The following ROBO2 variants were observed in gnomAD, a reference collection of about 807,000 sequenced individuals.
The protein encoded by ROBO2 is roundabout homolog 2.
In ROBO2, 53 loss-of-function variants were observed where a neutral mutation model predicts 160.8. The observed-to-expected ratio is 0.33, with a 90% CI of 0.26 to 0.41. The LOEUF is 0.41. Among genes scored for constraint, ROBO2 ranks in the 10% least tolerant of loss-of-function variants. ROBO2 has a pLI of 1.00. For missense variants in ROBO2, 1,577 were observed against 1,722.4 expected (o/e 0.92, Z 1.49); for synonymous variants, 664 against 611.7 (o/e 1.09, Z -1.26).
At chr3:77,346,661 T>C (rs1290112181) in intron 2 of ROBO2, among the ~76,000 whole-genome samples, 1 of 152,134 alleles carries the variant, frequency 6.6e-6, no homozygotes, top group East Asian at 1.9e-4. Context: ...CTCATCCAGG[T>C]TGTTGCAGGA....
intron 2 of ROBO2, among the ~76,000 whole-genome samples, chr3:77,196,742 T>C (rs1034422954): frequency 3.3e-5 from 5 of 152,002 alleles, no homozygotes; most frequent in Non-Finnish European, 5.9e-5. Flanking sequence ...AAGTCATAGG[T>C]GGAGTTGCAA....
At chr3:77,415,429 T>G (rs866328361) in intron 2 of ROBO2, among the ~76,000 whole-genome samples, 1 of 152,180 alleles carries the variant, frequency 6.6e-6, no homozygotes, top group South Asian at 2.1e-4. Context: ...AATTGAAGGT[T>G]GAAAACCATT....
At chr3:76,712,238 A>C (rs770994904) in intron 2 of ROBO2, among the ~76,000 whole-genome samples, 30 of 152,202 alleles carry the variant, frequency 2.0e-4, no homozygotes, top group Non-Finnish European at 3.1e-4. Flanking sequence ...CAATCCTTAC[A>C]TAAGCTAGAT....
intron 2 of ROBO2, among the ~76,000 whole-genome samples, chr3:77,189,064 A>G (rs922341373): frequency 1.3e-5 from 2 of 151,720 alleles, no homozygotes; most frequent in African/African-American, 4.8e-5. Flanking sequence ...GTTTAAGTAG[A>G]CATACTGTGT....
At chr3:76,031,070 A>G (rs545461625) in intron 2 of ROBO2, among the ~76,000 whole-genome samples, 1 of 152,302 alleles carries the variant, frequency 6.6e-6, no homozygotes, top group Admixed American at 6.5e-5. Flanking sequence ...TTCTCTCTGA[A>G]GAGGTCCTTC....
chr3:77,505,774 G>T (rs2088420965), intron 5 of ROBO2, among the ~76,000 whole-genome samples: 1 of 151,998 alleles, frequency 6.6e-6, no homozygotes, highest in Admixed American at 6.6e-5. Context: ...TCTTATCATT[G>T]TTATTTGATA....
At chr3:76,942,990 T>C (rs897148280) in intron 2 of ROBO2, among the ~76,000 whole-genome samples, 26 of 152,224 alleles carry the variant, frequency 1.7e-4, no homozygotes, top group African/African-American at 6.3e-4. Context: ...ATTATTATTA[T>C]TTTAACCTAT....
At chr3:76,951,756 A>T (rs2078969809) in intron 2 of ROBO2, among the ~76,000 whole-genome samples, 1 of 152,168 alleles carries the variant, frequency 6.6e-6, no homozygotes, top group African/African-American at 2.4e-5. Flanking sequence ...CCCCGCCATG[A>T]GATTTGAGCT....
chr3:76,156,021 T>C (rs1278361594), intron 2 of ROBO2, among the ~76,000 whole-genome samples: 3 of 152,156 alleles, frequency 2.0e-5, no homozygotes, highest in Admixed American at 2.0e-4. Flanking sequence ...TGATACCATT[T>C]TGCTTCTCCC....
At chr3:77,373,867 C>CAAA (rs35983454) in intron 2 of ROBO2, among the ~76,000 whole-genome samples, 3 of 112,398 alleles carry the variant, frequency 2.7e-5, no homozygotes, top group South Asian at 5.3e-4. Context: ...CCAAAGCAGG[C>CAAA]AAAAAAAAAA....
intron 2 of ROBO2, among the ~76,000 whole-genome samples, chr3:76,655,724 G>A (rs1396601901): frequency 1.4e-5 from 2 of 139,822 alleles, no homozygotes; most frequent in African/African-American, 5.2e-5. Flanking sequence ...GAGGAAGGGA[G>A]AAAGGGAGGG....
At chr3:76,102,687 G>T (rs1251340117) in intron 2 of ROBO2, among the ~76,000 whole-genome samples, 3 of 152,152 alleles carry the variant, frequency 2.0e-5, no homozygotes, top group Non-Finnish European at 4.4e-5. Flanking sequence ...TGGTAGAAGG[G>T]ATGAGAGAAA....
At chr3:76,900,290 AT>A (rs1209681736) in intron 2 of ROBO2, among the ~76,000 whole-genome samples, 1 of 152,128 alleles carries the variant, frequency 6.6e-6, no homozygotes, top group Admixed American at 6.6e-5. Flanking sequence ...AAGCCCAACC[AT>A]ATTACCCTCT....
intron 2 of ROBO2, among the ~76,000 whole-genome samples, chr3:76,696,668 G>T (rs967764748): frequency 6.6e-6 from 1 of 152,136 alleles, no homozygotes; most frequent in South Asian, 2.1e-4. Context: ...ATAACTTCTT[G>T]TTTGTGCATC....
rs138645730 is a variant in ROBO2, at chr3:77,590,532, G to A, written c.2683+1599G>A. Among the ~76,000 whole-genome samples, 95 of 152,150 alleles carry A rather than the reference G, an allele frequency of 6.2e-4. No homozygotes were observed. The East Asian group carries it at 0.011, about 17-fold the overall frequency. ...CATATTACATCTCTGTGATACACTCGTATAAATCATATGAAATATAAGGAA... is the reference window on the plus strand; with the variant it reads ...CATATTACATCTCTGTGATACACTCATATAAATCATATGAAATATAAGGAA... On this transcript the variant is annotated intron_variant, in intron 17 of 25. Transcript: ENST00000461745.
At chr3:76,495,959 T>C (rs1386674882) in intron 2 of ROBO2, among the ~76,000 whole-genome samples, 1 of 152,228 alleles carries the variant, frequency 6.6e-6, no homozygotes, top group Non-Finnish European at 1.5e-5. Context: ...TTAACAGCCA[T>C]ATTGTACTTC....
intron 2 of ROBO2, among the ~76,000 whole-genome samples, chr3:76,649,026 G>A (rs2091124282): frequency 6.6e-6 from 1 of 152,056 alleles, no homozygotes; most frequent in Non-Finnish European, 1.5e-5. Flanking sequence ...AGTACGTCAG[G>A]AAATGGAATC....
At chr3:76,818,613 A>T (rs2109091764) in intron 2 of ROBO2, among the ~76,000 whole-genome samples, 1 of 152,100 alleles carries the variant, frequency 6.6e-6, no homozygotes, top group African/African-American at 2.4e-5. Flanking sequence ...ACCTTCTAAA[A>T]TTTTTATGGT....
chr3:76,256,899 C>T (rs1041937665), intron 2 of ROBO2, among the ~76,000 whole-genome samples: 4 of 151,986 alleles, frequency 2.6e-5, no homozygotes, highest in African/African-American at 7.3e-5. Flanking sequence ...ACAGGCATCT[C>T]ACATGGTAAG....
Sources: allele counts gnomAD v4.1 joint callset (sites outside exome capture counted in the v4.1 genomes callset), GRCh38; gene constraint gnomAD v4.1.1; transcripts MANE v1.5; gene names NCBI Gene and HGNC (gene_info 2026-07-23, HGNC 2026-07-21).